SGCD: variants seen among roughly 807,000 people sequenced by gnomAD.
SGCD encodes delta-sarcoglycan.
SGCD carries 18 observed loss-of-function variants against 36.6 expected under a neutral mutation model. The observed-to-expected ratio is 0.49, with a 90% CI of 0.34 to 0.73. The LOEUF (loss-of-function observed/expected upper bound fraction) is 0.73, where lower values mean the gene tolerates loss of function less well. SGCD is among the 30% of genes least tolerant of loss of function. SGCD has a pLI of 0.01. For missense variants in SGCD, 387 were observed against 346.7 expected (o/e 1.12, Z -0.92); for synonymous variants, 133 against 130.6 (o/e 1.02, Z -0.12).
chr5:156,371,919 T>C (rs1055431179), intron 3 of SGCD, among the ~76,000 whole-genome samples: 1 of 152,240 alleles, frequency 6.6e-6, no homozygotes, highest in Non-Finnish European at 1.5e-5. Context: ...ATTTGGACTT[T>C]TGTGTAGCAA....
intron 1 of SGCD, among the ~76,000 whole-genome samples, chr5:155,877,145 A>T (rs1166961184): frequency 6.6e-6 from 1 of 152,122 alleles, no homozygotes; most frequent in Non-Finnish European, 1.5e-5. Flanking sequence ...CAAATGCTAC[A>T]AGAAGAGGGT....
At chr5:155,823,401 C>CACAT in the SGCD span, among the ~76,000 whole-genome samples, 142 of 151,732 alleles carry the variant, frequency 9.4e-4, no homozygotes, top group African/African-American at 3.2e-3. Context: ...AATGGCCGCC[C>CACAT]ACATTTGGGA....
chr5:156,321,868 G>A (rs1268515748), upstream of SGCD, among the ~76,000 whole-genome samples: 1 of 152,112 alleles, frequency 6.6e-6, no homozygotes, highest in Non-Finnish European at 1.5e-5. Context: ...TCCACTTCTT[G>A]GCTTTACAGT....
In SGCD at chr5:156,344,586, G is replaced by C. The variant is rs757994622; in HGVS notation, c.101G>C (p.Cys34Ser). 1 of 1,612,360 alleles carries C rather than the reference G, an allele frequency of 6.2e-7. No homozygotes were observed. Among genetic ancestry groups the C allele is most frequent in the Non-Finnish European group, 8.5e-7 (1 of 1,179,064 alleles). Residue 34 changes from cysteine to serine, a missense_variant, in exon 3 of 9, where the codon TGC (cysteine) becomes TCC (serine). Transcript: ENST00000337851. ...KVGIYGWRKR[C>S]LYFFVLLLMI... The stretch of plus-strand genomic sequence containing the variant: ...GGGATTTATGGCTGGCGGAAACGAT[G>C]CCTGTATTTCTTTGTCCTGCTCCTC...
chr5:156,231,475 G>A (rs1765015631), intron 3 of SGCD, among the ~76,000 whole-genome samples: 2 of 152,180 alleles, frequency 1.3e-5, no homozygotes. Flanking sequence ...GGCGGAGGTT[G>A]CAGTGAGCTG....
intron 3 of SGCD, among the ~76,000 whole-genome samples, chr5:156,140,334 CAGA>C (rs1447128268): frequency 2.0e-5 from 3 of 152,046 alleles, no homozygotes; most frequent in African/African-American, 4.8e-5. Flanking sequence ...GGTAGGGGCT[CAGA>C]AGAAGAGAGA....
intron 3 of SGCD, among the ~76,000 whole-genome samples, chr5:156,262,018 T>G (rs920764378): frequency 3.3e-5 from 5 of 152,170 alleles, no homozygotes; most frequent in African/African-American, 1.2e-4. Flanking sequence ...ATTAAAAAGT[T>G]TGTAATTAAA....
In SGCD at chr5:156,272,931, A is replaced by G. The variant is rs1766218237; in HGVS notation, c.-43-56603A>G. Among the ~76,000 whole-genome samples, 2 of 152,202 alleles carry G rather than the reference A, an allele frequency of 1.3e-5. 1 individual carries two copies. The highest frequency in any genetic ancestry group is 4.1e-4 in the South Asian group (2 of 4,836). On this transcript the variant is annotated intron_variant, in intron 3 of 9. Coordinates refer to the SGCD transcript ENST00000517913. ...GGCAAAGTTGCATAGTTACAAAGAG[A>G]TGGCATGGCTCACAAAGCCAAACGC...
the SGCD span, among the ~76,000 whole-genome samples, chr5:155,864,509 A>C: frequency 3.3e-5 from 5 of 152,234 alleles, no homozygotes; most frequent in South Asian, 8.3e-4. Context: ...TTAAAAAAAA[A>C]GGAGGGCTAG....
chr5:156,339,180 G>A (rs1768515170), intron 2 of SGCD, among the ~76,000 whole-genome samples: 1 of 152,070 alleles, frequency 6.6e-6, no homozygotes, highest in Non-Finnish European at 1.5e-5. Flanking sequence ...TTGTCTTTTG[G>A]TAGTTTCTTC....
chr5:156,203,914 G>T (rs989367017), intron 3 of SGCD, among the ~76,000 whole-genome samples: 2 of 152,028 alleles, frequency 1.3e-5, no homozygotes, highest in African/African-American at 4.8e-5. Flanking sequence ...ATTTTTCCAA[G>T]TTGGAAAATA....
chr5:155,987,614 C>T (rs547412793), intron 1 of SGCD, among the ~76,000 whole-genome samples: 10 of 152,272 alleles, frequency 6.6e-5, no homozygotes, highest in South Asian at 4.2e-4. Context: ...AGGTCCTTCA[C>T]GATCTGGCCT....
chr5:156,246,126 G>T (rs1765432058), intron 3 of SGCD, among the ~76,000 whole-genome samples: 1 of 152,170 alleles, frequency 6.6e-6, no homozygotes, highest in African/African-American at 2.4e-5. Context: ...TTGTCTGTAA[G>T]AGTGAGGATT....
At chr5:155,780,209 T>A in the SGCD span, among the ~76,000 whole-genome samples, 1 of 152,162 alleles carries the variant, frequency 6.6e-6, no homozygotes, top group Non-Finnish European at 1.5e-5. Flanking sequence ...TGACACCAAG[T>A]TCTTTCCCCT....
At chr5:156,492,669 C>T (rs1466140962) in intron 3 of SGCD, among the ~76,000 whole-genome samples, 2 of 152,048 alleles carry the variant, frequency 1.3e-5, no homozygotes, top group Non-Finnish European at 2.9e-5. Flanking sequence ...CACCCATCAA[C>T]CCGTCATCTA....
At chr5:155,846,521 C>T in the SGCD span, among the ~76,000 whole-genome samples, 27 of 152,240 alleles carry the variant, frequency 1.8e-4, no homozygotes, top group South Asian at 8.3e-4. Flanking sequence ...TGTCATCACT[C>T]GTGGTTAGGG....
chr5:156,334,404 A>G lies in SGCD; in HGVS notation c.3+4825A>G, dbSNP rs115890308. ...GAAATTATTTTTGCTGCCCAAGGGC[A>G]TTCAGTTCACATATTCTTTTCTGGT... On this transcript the variant is annotated intron_variant, in intron 2 of 8. Coordinates refer to ENST00000337851, the MANE Select transcript of SGCD (RefSeq NM_000337.6). 3.0e-3 allele frequency among the ~76,000 whole-genome samples: 455 copies of G among 152,336 alleles called. 5 individuals are homozygous for G. Among genetic ancestry groups the G allele is most frequent in the African/African-American group, 0.011 (446 of 41,574 alleles).
intron 2 of SGCD, among the ~76,000 whole-genome samples, chr5:156,330,400 G>A (rs1023043467): frequency 1.3e-5 from 2 of 152,116 alleles, no homozygotes; most frequent in Non-Finnish European, 2.9e-5. Flanking sequence ...TCAGGTCCTG[G>A]CTCCATTCAT....
At chr5:156,463,452 G>T (rs1754579406) in intron 3 of SGCD, among the ~76,000 whole-genome samples, 1 of 152,046 alleles carries the variant, frequency 6.6e-6, no homozygotes, top group African/African-American at 2.4e-5. Context: ...AAAGTTCTAT[G>T]GGATTTAGGC....
Sources: allele counts gnomAD v4.1 joint callset (sites outside exome capture counted in the v4.1 genomes callset), GRCh38; gene constraint gnomAD v4.1.1; transcripts MANE v1.5; gene names NCBI Gene and HGNC (gene_info 2026-07-23, HGNC 2026-07-21).